FAM171A1: variants seen among roughly 807,000 people sequenced by gnomAD.
FAM171A1 encodes the protein family with sequence similarity 171 member A1, also known as protein FAM171A1.
In FAM171A1, 23 loss-of-function variants were observed where a neutral mutation model predicts 74.9. That is an observed-to-expected ratio of 0.31 (90% CI 0.22 to 0.44). The LOEUF is 0.44. Ranked by LOEUF, FAM171A1 falls within the 20% of genes least tolerant of loss-of-function variation. FAM171A1 has a pLI of 1.00. For missense variants in FAM171A1, 1,162 were observed against 1,159.2 expected, an observed-to-expected ratio of 1.00 and a Z score of -0.03; for synonymous variants, 527 against 505.7, an observed-to-expected ratio of 1.04 and a Z score of -0.57.
chr10:15,327,426 G>A (rs952253593), intron 1 of FAM171A1, among the ~76,000 whole-genome samples: 8 of 152,200 alleles, frequency 5.3e-5, no homozygotes, highest in African/African-American at 1.9e-4. Context: ...AAGGCAGGCA[G>A]ATCGCTTGAG....
intron 1 of FAM171A1, among the ~76,000 whole-genome samples, chr10:15,291,236 A>G (rs1564634435): frequency 6.6e-6 from 1 of 152,196 alleles, no homozygotes; most frequent in Non-Finnish European, 1.5e-5. Flanking sequence ...TATAACTGTG[A>G]GGCCTAGCTG....
intron 1 of FAM171A1, among the ~76,000 whole-genome samples, chr10:15,299,898 A>G (rs1304587215): frequency 6.6e-6 from 1 of 152,086 alleles, no homozygotes; most frequent in Non-Finnish European, 1.5e-5. Context: ...GAATGGTGTG[A>G]ACCCGGGAGG....
At chr10:15,251,102 A>G (rs1191533967) in intron 4 of FAM171A1, among the ~76,000 whole-genome samples, 1 of 152,114 alleles carries the variant, frequency 6.6e-6, no homozygotes, top group African/African-American at 2.4e-5. Context: ...CTTACCTTCA[A>G]AACTAAGGAG....
At chr10:15,285,716 A>G (rs2131811184) in intron 1 of FAM171A1, among the ~76,000 whole-genome samples, 1 of 152,158 alleles carries the variant, frequency 6.6e-6, no homozygotes, top group African/African-American at 2.4e-5. Context: ...TCTGATCTGA[A>G]AGACTTGGGA....
At chr10:15,265,088 T>C (rs745726660) in intron 3 of FAM171A1, among the ~76,000 whole-genome samples, 2 of 151,978 alleles carry the variant, frequency 1.3e-5, no homozygotes, top group Non-Finnish European at 2.9e-5. Flanking sequence ...GGAAATGAGA[T>C]TATAAAAAGG....
rs193229107 is a variant in FAM171A1 at position 15,217,324 on chromosome 10, C to G, written c.872-1214G>C. On this transcript the variant is annotated intron_variant, in intron 6 of 7. Transcript: ENST00000378116. ...AATACATGGGTCGAAATGAACTGGC[C>G]TCATATTATTTCAGGGTAGCATGGC... is the stretch of plus-strand genomic sequence containing the variant. Among the ~76,000 whole-genome samples the G allele has an allele frequency of 2.8e-3, 430 of 152,232 alleles. 5 individuals carry two copies. The highest frequency in any genetic ancestry group is 9.8e-3 in the African/African-American group (405 of 41,538).
At chr10:15,288,463 T>C (rs1168570250) in intron 1 of FAM171A1, among the ~76,000 whole-genome samples, 1 of 152,182 alleles carries the variant, frequency 6.6e-6, no homozygotes, top group African/African-American at 2.4e-5. Flanking sequence ...TATACTAAAT[T>C]ATAACATAAA....
intron 1 of FAM171A1, among the ~76,000 whole-genome samples, chr10:15,331,859 G>GTGTATATATATA (rs60559617): frequency 2.4e-4 from 11 of 44,922 alleles, no homozygotes; most frequent in Admixed American, 2.8e-4. Context: ...ATATATGTGT[G>GTGTATATATATA]TATATATATG....
upstream of FAM171A1, among the ~76,000 whole-genome samples, chr10:15,371,967 G>A (rs772654771): frequency 6.6e-6 from 1 of 152,164 alleles, no homozygotes; most frequent in Non-Finnish European, 1.5e-5. Context: ...GAGGACCAGG[G>A]TGGGATGCAG....
At chr10:15,334,432 A>C (rs1835677419) in intron 1 of FAM171A1, among the ~76,000 whole-genome samples, 1 of 152,222 alleles carries the variant, frequency 6.6e-6, no homozygotes, top group Non-Finnish European at 1.5e-5. Context: ...TAACCGCTAA[A>C]GTTATTAACC....
At chr10:15,278,590 A>C (rs544054322) in intron 2 of FAM171A1, among the ~76,000 whole-genome samples, 1 of 152,332 alleles carries the variant, frequency 6.6e-6, no homozygotes, top group African/African-American at 2.4e-5. Context: ...GGTGCTACTG[A>C]CATGTGCTAC....
chr10:15,319,266 AG>A (rs1835458604), intron 1 of FAM171A1, among the ~76,000 whole-genome samples: 1 of 152,202 alleles, frequency 6.6e-6, no homozygotes, highest in South Asian at 2.1e-4. Flanking sequence ...TCACCAGAGA[AG>A]AAAAATGATA....
intron 5 of FAM171A1, among the ~76,000 whole-genome samples, chr10:15,247,996 G>A (rs1267264754): frequency 5.9e-5 from 9 of 152,096 alleles, no homozygotes; most frequent in Non-Finnish European, 1.0e-4. Context: ...CTTGACAGCC[G>A]CCTTGTAAGA....
chr10:15,215,744 T>A (rs1269550555), intron 7 of FAM171A1, among the ~76,000 whole-genome samples: 3 of 152,200 alleles, frequency 2.0e-5, no homozygotes, highest in Admixed American at 1.3e-4. Flanking sequence ...ATAAATCAGA[T>A]GACTATTGTT....
chr10:15,369,067 C>A (rs1213162673), intron 1 of FAM171A1, among the ~76,000 whole-genome samples: 5 of 152,168 alleles, frequency 3.3e-5, no homozygotes, highest in African/African-American at 1.2e-4. Flanking sequence ...CTAAACTAAG[C>A]CACTGCTAGC....
chr10:15,359,646 T>C lies in FAM171A1; in HGVS notation c.97+11310A>G, dbSNP rs191375645. 2.6e-5 allele frequency among the ~76,000 whole-genome samples: 4 copies of C among 152,314 alleles called. No individual in the cohort carries two copies. The East Asian group carries it at 7.7e-4, about 29-fold the overall frequency. ...GGGACTGCAGAGGTCATTAGGGCTA[T>C]GGATTTCAAGATAAAGAGATTATCC... On this transcript the variant is annotated intron_variant, in intron 1 of 7. Coordinates refer to ENST00000378116, the MANE Select transcript of FAM171A1 (RefSeq NM_001010924.2).
intron 5 of FAM171A1, among the ~76,000 whole-genome samples, chr10:15,245,539 G>T (rs541093795): frequency 2.0e-5 from 3 of 152,358 alleles, no homozygotes; most frequent in African/African-American, 7.2e-5. Flanking sequence ...TTTCTTTAGA[G>T]AATCCTAATA....
intron 5 of FAM171A1, among the ~76,000 whole-genome samples, chr10:15,229,111 G>A (rs527306267): frequency 1.2e-3 from 180 of 152,322 alleles, no homozygotes; most frequent in African/African-American, 3.4e-3. Flanking sequence ...CAATGAAGAC[G>A]TGATTGTCCA....
chr10:15,315,956 C>CCTT (rs1219953792), intron 1 of FAM171A1, among the ~76,000 whole-genome samples: 1 of 151,914 alleles, frequency 6.6e-6, no homozygotes, highest in African/African-American at 2.4e-5. Context: ...CTAAACCTAA[C>CCTT]ATCTTAGTAT....
Sources: allele counts gnomAD v4.1 joint callset (sites outside exome capture counted in the v4.1 genomes callset), GRCh38; gene constraint gnomAD v4.1.1; transcripts MANE v1.5; gene names NCBI Gene and HGNC (gene_info 2026-07-23, HGNC 2026-07-21).